CYGB: variants seen among roughly 807,000 people sequenced by gnomAD.
The protein encoded by CYGB is cytoglobin.
A neutral mutation model predicts 20.7 loss-of-function variants in CYGB; 13 were observed. That is an observed-to-expected ratio of 0.63 (90% CI 0.41 to 1.00). CYGB has a LOEUF of 1.00. CYGB is among the 50% of genes least tolerant of loss of function. CYGB has a pLI of 0.00. For missense variants in CYGB, 218 were observed against 257.2 expected (o/e 0.85, Z 1.04); for synonymous variants, 93 against 107.4 (o/e 0.87, Z 0.83).
intron 1 of CYGB, 34 bp downstream of exon 1, chr17:76,537,366 T>G: frequency 1.3e-6 from 2 of 1,560,320 alleles, no homozygotes; most frequent in Non-Finnish European, 8.6e-7. Context: ...CCGCCCTCCC[T>G]GCCCAGGGCC....
chr17:76,530,920 G>A lies in CYGB; in HGVS notation c.539+59C>T, dbSNP rs1336465451. 1.5e-5 allele frequency: 22 copies of A among 1,500,480 alleles called. No individual in the cohort carries two copies. The highest frequency in any genetic ancestry group is 8.4e-5 in the African/African-American group (6 of 71,380). 92.9% of individuals were successfully genotyped at this position (1,500,480 alleles called of 1,614,324 possible). On this transcript the variant is annotated intron_variant, in intron 3 of 3. Transcript: ENST00000293230. This position sits in a 1 kb window ranked among gnomAD's most constrained non-coding sequence, Gnocchi z 6.1. Reference sequence around the variant, plus strand: ...GGCCTCAGGAGATATGGGAGACCTCGGGGACAGCAGAGGACATGGCGGGGA... The same window carrying A: ...GGCCTCAGGAGATATGGGAGACCTCAGGGACAGCAGAGGACATGGCGGGGA...
In CYGB at chr17:76,545,219, A is replaced by C. The variant is rs1276769357; in HGVS notation, c.-53+5643T>G. ...TGCACATTTGCAGCTCCTGCTGCAG[A>C]AAGTTACCTCTCTCAGCCTAGAGCT... On this transcript the variant is annotated intron_variant, in intron 1 of 3. Transcript: ENST00000589145. 5 of 456,654 alleles carry C rather than the reference A, an allele frequency of 1.1e-5. No homozygotes were observed. The East Asian group carries it at 3.5e-4, about 32-fold the overall frequency. 28.3% of individuals were successfully genotyped at this position (456,654 alleles called of 1,614,324 possible).
Position 76,528,194 on chromosome 17 carries a change from C to T in CYGB, c.*384G>A, listed in dbSNP as rs1295468606. On this transcript the variant is annotated 3_prime_UTR_variant, in exon 4 of 4. Coordinates refer to ENST00000293230, the MANE Select transcript of CYGB (RefSeq NM_134268.5). This position sits in a 1 kb window ranked among gnomAD's most constrained non-coding sequence, Gnocchi z 5.8. The stretch of plus-strand genomic sequence containing the variant: ...TATCTGTATATATGGTAGATGTGTG[C>T]GTGATACTCTAGATGGTGATGTGGA... 16 of 397,218 alleles carry T rather than the reference C, an allele frequency of 4.0e-5. No individual in the cohort carries two copies. In the South Asian group the frequency reaches 4.2e-4, roughly 10 times the overall value. 24.6% of individuals were successfully genotyped at this position (397,218 alleles called of 1,614,324 possible).
chr17:76,547,367 A>T (rs1383994452), intron 1 of CYGB: 1 of 152,804 alleles, frequency 6.5e-6, no homozygotes, highest in Non-Finnish European at 1.5e-5. Flanking sequence ...GGAGATGCGG[A>T]GCCTGGTGAG....
intron 1 of CYGB, among the ~76,000 whole-genome samples, chr17:76,543,625 A>G (rs1415332972): frequency 6.6e-6 from 1 of 152,154 alleles, no homozygotes; most frequent in African/African-American, 2.4e-5. Context: ...CCTACCCACC[A>G]TGGCAGGCGG....
chr17:76,531,433 G>A lies in CYGB; in HGVS notation c.375+27C>T. ...ATGGCCATGACGCGTGGGCGGTGGG[G>A]GCTCTGCAGCAGATGGGGGCGCATA... On this transcript the variant is annotated intron_variant, in intron 2 of 3. Coordinates refer to ENST00000293230, the MANE Select transcript of CYGB (RefSeq NM_134268.5). The surrounding 1 kb of genome is among the most constrained non-coding windows in gnomAD (Gnocchi z 7.4). The A allele has an allele frequency of 6.3e-7, 1 of 1,592,822 alleles. No individual in the cohort carries two copies. The highest frequency in any genetic ancestry group is 1.7e-4 in the Middle Eastern group (1 of 5,990).
rs538062779 is a variant in CYGB, at chr17:76,546,824, T to C, written c.-53+4038A>G. ...CTGCTGTATTTTACGCACTGTTTCATTTATGCGGCAGGAACTGTTATCATT... is the reference window on the plus strand; with the variant it reads ...CTGCTGTATTTTACGCACTGTTTCACTTATGCGGCAGGAACTGTTATCATT... On this transcript the variant is annotated intron_variant, in intron 1 of 3. Coordinates refer to the CYGB transcript ENST00000589145. The surrounding 1 kb of genome is among the most constrained non-coding windows in gnomAD (Gnocchi z 4.5). 6.6e-6 allele frequency: 1 copy of C among 152,322 alleles called. No homozygotes were observed. Among genetic ancestry groups the C allele is most frequent in the African/African-American group, 2.4e-5 (1 of 41,564 alleles). The allele number at this position is 152,322 out of a possible 1,614,324, so 9.4% of individuals were successfully genotyped here.
intron 1 of CYGB, chr17:76,544,299 G>C: frequency 2.2e-6 from 1 of 454,484 alleles, no homozygotes; most frequent in Non-Finnish European, 4.4e-6. Flanking sequence ...CTTCCAGGCA[G>C]TAGAAGATGG....
chr17:76,544,654 G>A, intron 1 of CYGB: 1 of 456,808 alleles, frequency 2.2e-6, no homozygotes, highest in South Asian at 1.5e-5. Flanking sequence ...TCTCTTTGGA[G>A]GCATCGGCCT....
chr17:76,540,295 G>T, upstream of CYGB: 1 of 1,457,788 alleles, frequency 6.9e-7, no homozygotes, highest in Non-Finnish European at 9.4e-7. This position sits in a 1 kb window ranked among gnomAD's most constrained non-coding sequence, Gnocchi z 5.0. Flanking sequence ...AGCTGAAGGT[G>T]GGCAGGGGCT....
Position 76,528,569 on chromosome 17 carries a change from T to G in CYGB, c.*9A>C, listed in dbSNP as rs4238995. The G allele has an allele frequency of 0.45, 574,459 of 1,270,558 alleles. 133,177 individuals are homozygous for G. The highest frequency in any genetic ancestry group is 0.67 in the East Asian group (21,775 of 32,626). 78.7% of individuals were successfully genotyped at this position (1,270,558 alleles called of 1,614,324 possible). On this transcript the variant is annotated 3_prime_UTR_variant, in exon 4 of 4. Transcript: ENST00000293230. This position sits in a 1 kb window ranked among gnomAD's most constrained non-coding sequence, Gnocchi z 5.8. ...GGTGCTGCCAGGGAGGGGGGTGGAG[T>G]TAGGGGTCCTACGGCCCCGAAGAGG...
intron 1 of CYGB, among the ~76,000 whole-genome samples, chr17:76,534,914 C>T (rs1191327357): frequency 6.6e-6 from 1 of 152,242 alleles, no homozygotes; most frequent in East Asian, 1.9e-4. Context: ...GCGGTGTTTC[C>T]ACCTGAGACC....
At position 76,537,419 on chromosome 17, in the gene CYGB, C is replaced by T; in HGVS notation, c.124G>A (p.Gly42Arg). 1 of 1,598,088 alleles carries T rather than the reference C, an allele frequency of 6.3e-7. No individual in the cohort carries two copies. Residue 42 changes from glycine to arginine, a missense_variant, in exon 1 of 4, where the codon GGG becomes AGG. Gly to Arg is a moderately radical substitution (Grantham distance 125). This residue lies in a region of CYGB where 152 missense variants were observed against 149.9 expected (regional missense o/e 1.01). Coordinates refer to ENST00000293230, the MANE Select transcript of CYGB (RefSeq NM_134268.5). The stretch of plus-strand genomic sequence containing the variant: ...ACCTACCTCACCAGGATGGCCACCC[C>T]CACGTCCTCGCAGTTGGCATAGAGC... ...ARLYANCEDV[G>R]VAILVRFFVN... is the part of the protein sequence containing the mutation.
chr17:76,541,670 G>A (rs1389730009), upstream of CYGB, among the ~76,000 whole-genome samples: 1 of 152,172 alleles, frequency 6.6e-6, no homozygotes, highest in African/African-American at 2.4e-5. Context: ...CATCATAATA[G>A]TGCCTAATTG....
rs1317717177 is a variant in CYGB at position 76,533,718 on chromosome 17, G to A, written c.144-2027C>T. ...AGCCTGGGTGACAGAGTGAGACCCT[G>A]AATCCAAAGAAATAATGATAATAAT... is the stretch of plus-strand genomic sequence containing the variant. On this transcript the variant is annotated intron_variant, in intron 1 of 3. Coordinates refer to ENST00000293230, the MANE Select transcript of CYGB (RefSeq NM_134268.5). This position sits in a 1 kb window ranked among gnomAD's most constrained non-coding sequence, Gnocchi z 4.5. Among the ~76,000 whole-genome samples the A allele has an allele frequency of 6.6e-6, 1 of 151,956 alleles. No individual in the cohort carries two copies. The highest frequency in any genetic ancestry group is 1.5e-5 in the Non-Finnish European group (1 of 67,992).
intron 1 of CYGB, chr17:76,543,782 G>A: frequency 2.1e-6 from 1 of 470,698 alleles, no homozygotes; most frequent in Non-Finnish European, 4.4e-6. Context: ...ACTCGCTTTT[G>A]TGTCATTTGC....
At position 76,530,039 on chromosome 17, in the gene CYGB, G is replaced by A. The variant is rs1395877635; in HGVS notation, c.539+940C>T. 1.6e-5 allele frequency: 16 copies of A among 985,308 alleles called. No homozygotes were observed. Among genetic ancestry groups the A allele is most frequent in the Middle Eastern group, 5.2e-4 (1 of 1,936 alleles). The allele number at this position is 985,308 out of a possible 1,614,324, so 61.0% of individuals were successfully genotyped here. A position where few individuals can be genotyped will look rare whatever the true frequency, so the allele number is the denominator to read the frequency against. On this transcript the variant is annotated intron_variant, in intron 3 of 3. Coordinates refer to ENST00000293230, the MANE Select transcript of CYGB (RefSeq NM_134268.5). The surrounding 1 kb of genome is among the most constrained non-coding windows in gnomAD (Gnocchi z 6.1). ...AGCTGTGCCTGTGAACAGAAGGGCCGGCAGTCTTGGGGGCCCGTGCAGAGC... is the reference window on the plus strand; with the variant it reads ...AGCTGTGCCTGTGAACAGAAGGGCCAGCAGTCTTGGGGGCCCGTGCAGAGC...
chr17:76,543,043 C>T (rs767138490), intron 1 of CYGB: 4 of 472,932 alleles, frequency 8.5e-6, no homozygotes, highest in South Asian at 1.5e-5. Flanking sequence ...GGTCCTGGTT[C>T]GTCCCCTAGC....
chr17:76,545,355 A>G (rs923294218), intron 1 of CYGB: 4 of 456,716 alleles, frequency 8.8e-6, no homozygotes, highest in Admixed American at 7.0e-5. Context: ...TGGGGGAATT[A>G]AATCCTGACT....
Sources: allele counts gnomAD v4.1 joint callset (sites outside exome capture counted in the v4.1 genomes callset), GRCh38; gene constraint gnomAD v4.1.1; regional missense constraint gnomAD v4.1.1; non-coding constraint Gnocchi (gnomAD v3.1); transcripts MANE v1.5; gene names NCBI Gene and HGNC (gene_info 2026-07-23, HGNC 2026-07-21).